The following ANXA8 variants were observed in gnomAD, a reference collection of about 807,000 sequenced individuals.
The protein encoded by ANXA8 is VAC-beta.
ANXA8 carries 9 observed loss-of-function variants against 26.8 expected under a neutral mutation model. That is an observed-to-expected ratio of 0.34 (90% CI 0.20 to 0.59). ANXA8 has a LOEUF of 0.59. ANXA8 is among the 20% of genes least tolerant of loss of function. The pLI is 0.84. For missense variants in ANXA8, 83 were observed against 238.5 expected (o/e 0.35, Z 4.29); for synonymous variants, 39 against 94.8 (o/e 0.41, Z 3.42).
At chr10:47,684,666 A>G in the ANXA8 span, among the ~76,000 whole-genome samples, 4 of 151,744 alleles carry the variant, frequency 2.6e-5, no homozygotes, top group Admixed American at 2.0e-4. Context: ...GCTCACTGCA[A>G]CTTCCACCTC....
chr10:47,744,408 T>TGGGGGGGGGGGGG, the ANXA8 span, among the ~76,000 whole-genome samples: 5 of 4,326 alleles, frequency 1.2e-3, no homozygotes, highest in African/African-American at 3.5e-3. Context: ...GGAAGGCTCC[T>TGGGGGGGGGGGGG]GGTGGGGGGG....
the ANXA8 span, among the ~76,000 whole-genome samples, chr10:47,551,298 G>C: frequency 6.6e-6 from 1 of 151,362 alleles, no homozygotes; most frequent in East Asian, 2.0e-4. Flanking sequence ...ATGAGGGCAA[G>C]AATGATTCCT....
the ANXA8 span, among the ~76,000 whole-genome samples, chr10:47,947,545 G>A: frequency 6.6e-6 from 1 of 150,428 alleles, no homozygotes; most frequent in African/African-American, 2.5e-5. Context: ...GGAGAGGCCT[G>A]GGGGGAGATG....
the ANXA8 span, among the ~76,000 whole-genome samples, chr10:47,619,562 C>G: frequency 2.5e-5 from 3 of 120,082 alleles, no homozygotes; most frequent in Non-Finnish European, 5.5e-5. Context: ...AAATTGTGGC[C>G]GCAGAATTCT....
At chr10:47,971,173 A>G in the ANXA8 span, among the ~76,000 whole-genome samples, 2 of 150,770 alleles carry the variant, frequency 1.3e-5, no homozygotes, top group African/African-American at 4.8e-5. Context: ...TCCTTTTCTC[A>G]AATACGGTCT....
chr10:47,694,724 T>C, the ANXA8 span, among the ~76,000 whole-genome samples: 1 of 151,916 alleles, frequency 6.6e-6, no homozygotes, highest in Non-Finnish European at 1.5e-5. Flanking sequence ...CGGCCCATAC[T>C]GAAAAATTTG....
At chr10:47,639,343 A>C in the ANXA8 span, among the ~76,000 whole-genome samples, 17,726 of 97,818 alleles carry the variant, frequency 0.18, 84 homozygotes, top group East Asian at 0.38. Flanking sequence ...GACGGAGTCT[A>C]GCTCTTTCGC....
chr10:47,960,166 T>C, the ANXA8 span, among the ~76,000 whole-genome samples: 3 of 148,478 alleles, frequency 2.0e-5, no homozygotes, highest in African/African-American at 7.7e-5. Flanking sequence ...TTTGAGGTTA[T>C]TATGCATTAT....
the ANXA8 span, among the ~76,000 whole-genome samples, chr10:47,938,697 G>T: frequency 6.8e-6 from 1 of 146,524 alleles, no homozygotes; most frequent in Non-Finnish European, 1.5e-5. Flanking sequence ...TTTCCACGGG[G>T]CTCTGGGCCT....
the ANXA8 span, among the ~76,000 whole-genome samples, chr10:47,974,797 A>G: frequency 6.7e-6 from 1 of 149,374 alleles, no homozygotes; most frequent in Non-Finnish European, 1.5e-5. Context: ...ATTTATTGAG[A>G]CTTGCTTTAT....
the ANXA8 span, among the ~76,000 whole-genome samples, chr10:47,660,828 A>G: frequency 6.7e-6 from 1 of 150,050 alleles, no homozygotes; most frequent in African/African-American, 2.5e-5. Context: ...AAAAAAAAAA[A>G]GGCTACATTC....
At chr10:47,575,134 G>A in the ANXA8 span, among the ~76,000 whole-genome samples, 1 of 136,288 alleles carries the variant, frequency 7.3e-6, no homozygotes, top group Non-Finnish European at 1.5e-5. Context: ...AACCTGAGAG[G>A]CAGAGGTTGC....
At chr10:47,970,380 T>C in the ANXA8 span, 163 of 150,894 alleles carry the variant, frequency 1.1e-3, 6 homozygotes, top group African/African-American at 3.8e-3. Context: ...AGGAGGTGTG[T>C]CCTCCTTGGA....
chr10:47,668,989 G>A, the ANXA8 span, among the ~76,000 whole-genome samples: 1 of 151,892 alleles, frequency 6.6e-6, no homozygotes, highest in Non-Finnish European at 1.5e-5. Flanking sequence ...CCACTTCTGT[G>A]AGAGAGTGAG....
At chr10:47,980,790 A>G in the ANXA8 span, among the ~76,000 whole-genome samples, 1 of 150,186 alleles carries the variant, frequency 6.7e-6, no homozygotes, top group Non-Finnish European at 1.5e-5. Context: ...GAAAATTTCA[A>G]TAGACCTTAG....
the ANXA8 span, among the ~76,000 whole-genome samples, chr10:47,685,880 A>G: frequency 2.7e-5 from 4 of 149,164 alleles, no homozygotes; most frequent in Admixed American, 6.7e-5. Context: ...AGGTTGCAGA[A>G]CATTTAGGAG....
chr10:47,515,757 T>G, the ANXA8 span, among the ~76,000 whole-genome samples: 1 of 139,526 alleles, frequency 7.2e-6, no homozygotes, highest in Admixed American at 7.3e-5. Flanking sequence ...TGGGAGATCC[T>G]TCTCAGAAGA....
At chr10:47,951,502 G>A in the ANXA8 span, among the ~76,000 whole-genome samples, 1 of 150,282 alleles carries the variant, frequency 6.7e-6, no homozygotes, top group Non-Finnish European at 1.5e-5. Context: ...AATCTTATAG[G>A]CCAATGTCCA....
the ANXA8 span, among the ~76,000 whole-genome samples, chr10:47,628,380 A>C: frequency 1.3e-5 from 2 of 151,750 alleles, no homozygotes; most frequent in Non-Finnish European, 3.0e-5. Flanking sequence ...TATATATTCA[A>C]GATAAACATT....
Sources: gnomAD v4.1 joint callset for allele counts (sites outside exome capture counted in the v4.1 genomes callset) on GRCh38, gnomAD v4.1.1 for gene constraint, MANE v1.5 for transcripts, NCBI Gene and HGNC (gene_info 2026-07-23, HGNC 2026-07-21) for gene names.